Variants in NR3C2 observed in about 807,000 individuals in gnomAD.
NR3C2 encodes the protein mineralocorticoid receptor.
Under a neutral mutation model 86.4 loss-of-function variants are expected in NR3C2, and 15 were observed. The ratio of observed to expected loss-of-function variants is 0.17; its 90% confidence interval spans 0.12 to 0.27. The LOEUF is 0.27. NR3C2 is among the 10% of genes least tolerant of loss of function. NR3C2 has a pLI of 1.00. For synonymous variants in NR3C2, 458 were observed against 450.5 expected, an observed-to-expected ratio of 1.02 and a Z score of -0.21; for missense variants, 960 against 1,195.6, an observed-to-expected ratio of 0.80 and a Z score of 2.91.
At chr4:148,129,027 C>T (rs1206441096) in intron 6 of NR3C2, among the ~76,000 whole-genome samples, 1 of 152,178 alleles carries the variant, frequency 6.6e-6, no homozygotes, top group Non-Finnish European at 1.5e-5. Flanking sequence ...CTAACTTCTA[C>T]TTAATGAATC....
chr4:148,318,786 A>ATC (rs1486401311), intron 2 of NR3C2, among the ~76,000 whole-genome samples: 3 of 152,194 alleles, frequency 2.0e-5, no homozygotes, highest in African/African-American at 7.2e-5. Flanking sequence ...GTCCTTTGTC[A>ATC]GATGAGTAGG....
chr4:148,258,111 G>A (rs752060908), intron 3 of NR3C2, among the ~76,000 whole-genome samples: 4 of 152,196 alleles, frequency 2.6e-5, no homozygotes, highest in Non-Finnish European at 5.9e-5. Flanking sequence ...CAGCCAAAAT[G>A]TGGGTTCTGA....
intron 6 of NR3C2, among the ~76,000 whole-genome samples, chr4:148,125,320 T>C (rs1732691994): frequency 6.6e-6 from 1 of 152,230 alleles, no homozygotes; most frequent in Non-Finnish European, 1.5e-5. Context: ...AGTTTTATTG[T>C]CCTTGTTAGT....
chr4:148,294,943 C>A (rs966717711), intron 2 of NR3C2, among the ~76,000 whole-genome samples: 1 of 152,044 alleles, frequency 6.6e-6, no homozygotes, highest in Admixed American at 6.6e-5. Context: ...GCTATGATCA[C>A]GCCATTGCAC....
At chr4:148,222,989 C>A (rs575196729) in intron 3 of NR3C2, among the ~76,000 whole-genome samples, 20 of 151,970 alleles carry the variant, frequency 1.3e-4, no homozygotes, top group Non-Finnish European at 1.2e-4. Flanking sequence ...TGGTAAAAAA[C>A]CAAAACAAAA....
rs547352940 is a variant in NR3C2, at chr4:148,373,126, C to T, written c.1757+61978G>A. ...GAATAACTTTTATTTGTTTGTCTTT[C>T]TAAGGGAAGCCAAGTTCCACTAAGA... On this transcript the variant is annotated intron_variant, in intron 2 of 8. Coordinates refer to ENST00000358102, the MANE Select transcript of NR3C2 (RefSeq NM_000901.5). 3.9e-5 allele frequency among the ~76,000 whole-genome samples: 6 copies of T among 152,246 alleles called. No homozygotes were observed. The South Asian group carries it at 1.2e-3, about 32-fold the overall frequency.
intron 4 of NR3C2, among the ~76,000 whole-genome samples, chr4:148,190,589 T>G (rs1159160692): frequency 1.3e-5 from 2 of 152,238 alleles, no homozygotes; most frequent in Non-Finnish European, 2.9e-5. Flanking sequence ...GTTTCTTTGT[T>G]GACTTTCTGT....
chr4:148,080,360 G>GTAAAT lies in NR3C2; in HGVS notation c.*979_*983dup, dbSNP rs1730487003. ...TTACAACAGAGACTGTAAAATAATG[G>GTAAAT]TAAATTAGATATGAAGCTAAAAAAG... On this transcript the variant is annotated 3_prime_UTR_variant, in exon 9 of 9. Transcript: ENST00000358102. 6.6e-6 allele frequency: 1 copy of GTAAAT among 152,632 alleles called. No homozygotes were observed. Among genetic ancestry groups the GTAAAT allele is most frequent in the South Asian group, 2.1e-4 (1 of 4,832 alleles). The allele number at this position is 152,632 out of a possible 1,614,324, so 9.5% of individuals were successfully genotyped here.
intron 4 of NR3C2, among the ~76,000 whole-genome samples, chr4:148,186,471 T>TA (rs1229831127): frequency 1.3e-5 from 2 of 152,198 alleles, no homozygotes; most frequent in Non-Finnish European, 2.9e-5. Flanking sequence ...TTTGCTTTTA[T>TA]AGCTTCTGAG....
intron 2 of NR3C2, among the ~76,000 whole-genome samples, chr4:148,365,756 C>CTTT (rs3045289): frequency 2.6e-4 from 39 of 151,894 alleles, no homozygotes; most frequent in Non-Finnish European, 2.9e-4. Flanking sequence ...CACAGTTTTT[C>CTTT]TTATTAATTT....
chr4:148,189,866 A>G, intron 4 of NR3C2, among the ~76,000 whole-genome samples: 1 of 152,046 alleles, frequency 6.6e-6, no homozygotes, highest in Non-Finnish European at 1.5e-5. Context: ...TTTGTATTTC[A>G]GTGGTGTCAG....
chr4:148,181,150 C>A (rs1324953620), intron 4 of NR3C2, among the ~76,000 whole-genome samples: 3 of 152,140 alleles, frequency 2.0e-5, no homozygotes, highest in Admixed American at 1.3e-4. Flanking sequence ...TACATTGGAA[C>A]CAGAATTAGG....
intron 2 of NR3C2, among the ~76,000 whole-genome samples, chr4:148,362,047 A>G (rs558894336): frequency 6.6e-6 from 1 of 152,298 alleles, no homozygotes; most frequent in Non-Finnish European, 1.5e-5. Flanking sequence ...CATGTTGGCC[A>G]GGCTGGTCTC....
At chr4:148,206,171 G>T (rs531630910) in intron 3 of NR3C2, among the ~76,000 whole-genome samples, 2 of 152,152 alleles carry the variant, frequency 1.3e-5, no homozygotes, top group Non-Finnish European at 2.9e-5. Flanking sequence ...TCTTTGGGAA[G>T]ACTTTGATTG....
chr4:148,325,308 A>G (rs888664975), intron 2 of NR3C2, among the ~76,000 whole-genome samples: 3 of 152,246 alleles, frequency 2.0e-5, no homozygotes, highest in African/African-American at 7.2e-5. Context: ...CTTACATACT[A>G]CATATTACAA....
At chr4:148,344,414 G>A (rs943027873) in intron 2 of NR3C2, among the ~76,000 whole-genome samples, 3 of 152,134 alleles carry the variant, frequency 2.0e-5, no homozygotes, top group African/African-American at 7.2e-5. Context: ...CAGGAATGGA[G>A]TTCAAACTCC....
In NR3C2 at chr4:148,436,489, T is replaced by C; in HGVS notation, c.372A>G (p.Gln124=). The change falls in exon 2 of 9, where the codon CAA becomes CAG. Residue 124 remains glutamine, a synonymous_variant. Coordinates refer to ENST00000358102, the MANE Select transcript of NR3C2 (RefSeq NM_000901.5). ...DADYSYEQQN[Q]QGSMSPAKIY... Reference sequence around the variant, plus strand: ...TCTTAGCTGGACTCATGCTTCCTTGTTGGTTCTGCTGCTCATAGGAATAGT... The same window carrying C: ...TCTTAGCTGGACTCATGCTTCCTTGCTGGTTCTGCTGCTCATAGGAATAGT... The C allele has an allele frequency of 1.9e-6, 3 of 1,614,202 alleles. No homozygotes were observed. Among genetic ancestry groups the C allele is most frequent in the South Asian group, 2.2e-5 (2 of 91,082 alleles).
At chr4:148,372,311 T>C (rs942379746) in intron 2 of NR3C2, among the ~76,000 whole-genome samples, 8 of 152,178 alleles carry the variant, frequency 5.3e-5, no homozygotes, top group Non-Finnish European at 2.9e-5. Context: ...TTCTAGATAC[T>C]ATACTCTTAT....
At chr4:148,153,519 T>C (rs942759196) in intron 5 of NR3C2, among the ~76,000 whole-genome samples, 1 of 152,176 alleles carries the variant, frequency 6.6e-6, no homozygotes, top group Non-Finnish European at 1.5e-5. Context: ...AGGGGCATCA[T>C]GTTATTTTTC....
Sources: allele counts gnomAD v4.1 joint callset (sites outside exome capture counted in the v4.1 genomes callset), GRCh38; gene constraint gnomAD v4.1.1; transcripts MANE v1.5; gene names NCBI Gene and HGNC (gene_info 2026-07-23, HGNC 2026-07-21).